Variants in RNF121 observed in about 807,000 individuals in gnomAD.
The protein encoded by RNF121 is ring finger protein 121.
RNF121 carries 21 observed loss-of-function variants against 46.5 expected under a neutral mutation model. That is an observed-to-expected ratio of 0.45 (90% CI 0.32 to 0.65). The LOEUF is 0.65. Among genes scored for constraint, RNF121 ranks in the 30% least tolerant of loss-of-function variants. RNF121 has a pLI of 0.04. For missense variants in RNF121, 346 were observed against 416.0 expected (o/e 0.83, Z 1.46); for synonymous variants, 139 against 144.7 (o/e 0.96, Z 0.28).
chr11:71,968,308 C>A (rs1954334927), intron 3 of RNF121, among the ~76,000 whole-genome samples: 2 of 152,156 alleles, frequency 1.3e-5, no homozygotes, highest in Admixed American at 1.3e-4. Flanking sequence ...GATCAAACTG[C>A]CTCGGCCTCG....
At chr11:71,949,873 G>T (rs547327108) in intron 1 of RNF121, among the ~76,000 whole-genome samples, 12 of 151,796 alleles carry the variant, frequency 7.9e-5, no homozygotes. Flanking sequence ...GTGGTGGCAC[G>T]TACCTGTAAT....
intron 1 of RNF121, among the ~76,000 whole-genome samples, chr11:71,934,272 A>C (rs1409753811): frequency 6.6e-6 from 1 of 152,264 alleles, no homozygotes; most frequent in African/African-American, 2.4e-5. Context: ...CAAAATGGAT[A>C]AAGTGTGATA....
intron 1 of RNF121, among the ~76,000 whole-genome samples, chr11:71,941,930 AT>A (rs35553015): frequency 0.79 from 81,179 of 102,740 alleles, 31,286 homozygotes; most frequent in Non-Finnish European, 0.85. Context: ...TGTAATGAGA[AT>A]TTTTTTTTTT....
chr11:71,946,137 G>T (rs1331166960), intron 1 of RNF121, among the ~76,000 whole-genome samples: 1 of 151,310 alleles, frequency 6.6e-6, no homozygotes, highest in Non-Finnish European at 1.5e-5. Context: ...GAAAAGAAAA[G>T]AAAAATCCGC....
chr11:71,987,109 C>T lies in RNF121; in HGVS notation c.504C>T (p.Phe168=). The T allele has an allele frequency of 6.3e-7, 1 of 1,583,592 alleles. No individual in the cohort carries two copies. The highest frequency in any genetic ancestry group is 8.7e-7 in the Non-Finnish European group (1 of 1,152,384). The change falls in exon 5 of 9, where the codon TTC becomes TTT. Residue 168 remains phenylalanine, a splice_region_variant and synonymous_variant. Coordinates refer to ENST00000361756, the MANE Select transcript of RNF121 (RefSeq NM_018320.5). The part of the protein sequence containing the change: ...MFTLFGLNLL[F]KIKPEDAMDF... ...CCCTCTTTGGTCTTAACTTATTATT[C>T]AAGTGAGTACCCTTTGTTTTTGTTT...
At chr11:71,962,445 C>T (rs1351257773) in intron 3 of RNF121, among the ~76,000 whole-genome samples, 1 of 152,136 alleles carries the variant, frequency 6.6e-6, no homozygotes, top group African/African-American at 2.4e-5. Context: ...ACCCTAACAC[C>T]TCTGCTTCCC....
At chr11:71,932,469 G>A (rs1029154934) in intron 1 of RNF121, among the ~76,000 whole-genome samples, 4 of 152,194 alleles carry the variant, frequency 2.6e-5, no homozygotes, top group African/African-American at 9.7e-5. Flanking sequence ...CACTATTTGT[G>A]CTCTAGGGGG....
chr11:71,943,789 AAGAAT>A (rs756997951), intron 1 of RNF121, among the ~76,000 whole-genome samples: 2 of 152,200 alleles, frequency 1.3e-5, no homozygotes, highest in Admixed American at 1.3e-4. Flanking sequence ...CAGCTAAAGA[AAGAAT>A]AGAAGAGCCC....
intron 3 of RNF121, among the ~76,000 whole-genome samples, chr11:71,962,885 T>A (rs527547255): frequency 8.5e-5 from 13 of 152,300 alleles, no homozygotes; most frequent in African/African-American, 2.2e-4. Flanking sequence ...CCGTTTTTTT[T>A]TAAATTTTAT....
chr11:71,941,930 ATTTTT>A (rs35553015), intron 1 of RNF121, among the ~76,000 whole-genome samples: 1 of 102,716 alleles, frequency 9.7e-6, no homozygotes, highest in African/African-American at 3.6e-5. Flanking sequence ...TGTAATGAGA[ATTTTT>A]TTTTTTTTTT....
At chr11:71,952,214 T>C (rs1293825164) in intron 1 of RNF121, among the ~76,000 whole-genome samples, 4 of 152,168 alleles carry the variant, frequency 2.6e-5, no homozygotes, top group Non-Finnish European at 5.9e-5. Context: ...AAGAAGCCAG[T>C]CACAAAAGAC....
chr11:71,974,006 A>G (rs966854798), intron 3 of RNF121, among the ~76,000 whole-genome samples: 9 of 152,138 alleles, frequency 5.9e-5, no homozygotes, highest in Admixed American at 2.0e-4. Flanking sequence ...CAGTGGCGCT[A>G]TCTCGGCTCA....
At chr11:71,957,696 A>T (rs1316780440) in intron 2 of RNF121, among the ~76,000 whole-genome samples, 2 of 152,198 alleles carry the variant, frequency 1.3e-5, no homozygotes, top group Non-Finnish European at 2.9e-5. Flanking sequence ...TATCATTAAC[A>T]TCATCATTAT....
rs189586565 is a variant in RNF121, at chr11:71,940,473, G to C, written c.63+11349G>C. On this transcript the variant is annotated intron_variant, in intron 1 of 8. Transcript: ENST00000361756. ...TTTCATTAGAGCATTAGGAATGAAC[G>C]CCCAAGGTCAATGTTGAGAAATGAG... 3.0e-3 allele frequency among the ~76,000 whole-genome samples: 452 copies of C among 152,254 alleles called. 1 individual carries two copies. The highest frequency in any genetic ancestry group is 0.01 in the African/African-American group (435 of 41,544).
chr11:71,966,097 A>G (rs1331679419), intron 3 of RNF121, among the ~76,000 whole-genome samples: 2 of 152,178 alleles, frequency 1.3e-5, no homozygotes, highest in African/African-American at 4.8e-5. Flanking sequence ...TCAGCTCACC[A>G]CAACCTCTGC....
rs987303401 is a variant in RNF121 at position 71,981,532 on chromosome 11, A to G, written c.244-1229A>G. On this transcript the variant is annotated intron_variant, in intron 3 of 8. Transcript: ENST00000361756. ...TTTTTATACCTGCTACTCACTGGAG[A>G]AGGATGACATCTAGTGACAGAAGGG... is the stretch of plus-strand genomic sequence containing the variant. 3.9e-5 allele frequency among the ~76,000 whole-genome samples: 6 copies of G among 152,222 alleles called. No homozygotes were observed. The East Asian group carries it at 9.6e-4, about 24-fold the overall frequency.
intron 3 of RNF121, among the ~76,000 whole-genome samples, chr11:71,968,738 T>C (rs983519382): frequency 2.0e-5 from 3 of 152,206 alleles, no homozygotes; most frequent in Admixed American, 2.0e-4. Context: ...TGCTCAGTTA[T>C]ATTGTTTCCT....
chr11:71,952,971 T>A (rs1223072512), intron 1 of RNF121, among the ~76,000 whole-genome samples: 1 of 152,244 alleles, frequency 6.6e-6, no homozygotes, highest in East Asian at 1.9e-4. Flanking sequence ...TTAACCATGC[T>A]GTGCAATAGA....
At chr11:71,967,084 G>C (rs1056565425) in intron 3 of RNF121, among the ~76,000 whole-genome samples, 10 of 146,550 alleles carry the variant, frequency 6.8e-5, no homozygotes, top group Non-Finnish European at 3.0e-5. Flanking sequence ...TGTTAGCCAG[G>C]ATGGTCTCGA....
Sources: allele counts gnomAD v4.1 joint callset (sites outside exome capture counted in the v4.1 genomes callset), GRCh38; gene constraint gnomAD v4.1.1; transcripts MANE v1.5; gene names NCBI Gene and HGNC (gene_info 2026-07-23, HGNC 2026-07-21).